Variants in MAMLD1 observed in about 807,000 individuals in gnomAD.
The protein encoded by MAMLD1 is mastermind like domain containing 1, also known as mastermind-like domain-containing protein 1.
A neutral mutation model predicts 45.0 loss-of-function variants in MAMLD1; 14 were observed. The observed-to-expected ratio is 0.31, with a 90% CI of 0.21 to 0.49. The LOEUF (loss-of-function observed/expected upper bound fraction) is 0.49, where lower values mean the gene tolerates loss of function less well. Among genes scored for constraint, MAMLD1 ranks in the 20% least tolerant of loss-of-function variants. The pLI, the probability that MAMLD1 is intolerant of heterozygous loss-of-function variation, is 0.99. For synonymous variants in MAMLD1, 254 were observed against 247.8 expected (o/e 1.02, Z -0.24); for missense variants, 543 against 603.6 (o/e 0.90, Z 1.05).
chrX:150,473,014 C>A (rs1273811372), intron 4 of MAMLD1, among the ~76,000 whole-genome samples: 3 of 112,554 alleles, frequency 2.7e-5, no homozygotes, highest in Admixed American at 9.3e-5. Context: ...AAAACAGTGA[C>A]CTGATCATGT....
chrX:150,372,915 G>C (rs2032099040), intron 1 of MAMLD1, among the ~76,000 whole-genome samples: 1 of 111,729 alleles, frequency 9.0e-6, no homozygotes, highest in Non-Finnish European at 1.9e-5. Flanking sequence ...GCACGTGGCT[G>C]GGGTGTTAGT....
At chrX:150,458,161 T>A (rs1408847996) in intron 2 of MAMLD1, among the ~76,000 whole-genome samples, 1 of 111,051 alleles carries the variant, frequency 9.0e-6, no homozygotes, top group Non-Finnish European at 1.9e-5. Flanking sequence ...TCAATAAGCA[T>A]GTGACCCCTC....
chrX:150,487,496 T>C (rs961683673), intron 5 of MAMLD1, among the ~76,000 whole-genome samples: 2 of 112,422 alleles, frequency 1.8e-5, no homozygotes, highest in African/African-American at 6.5e-5. Context: ...TCCACGTGAC[T>C]GCAGAAAGCA....
chrX:150,414,011 G>C (rs1308977346), intron 1 of MAMLD1, among the ~76,000 whole-genome samples: 4 of 37,418 alleles, frequency 1.1e-4, no homozygotes, highest in Non-Finnish European at 1.9e-4. Context: ...GGAGCATTAA[G>C]GAACCACAGA....
At chrX:150,364,907 C>G (rs1295093183) in intron 1 of MAMLD1, among the ~76,000 whole-genome samples, 8 of 112,285 alleles carry the variant, frequency 7.1e-5, no homozygotes, top group Non-Finnish European at 7.6e-5. Flanking sequence ...TGCGGTGAGC[C>G]GGCGAGCGAC....
At chrX:150,414,028 CAAAA>C (rs56866886) in intron 1 of MAMLD1, among the ~76,000 whole-genome samples, 4 of 31,333 alleles carry the variant, frequency 1.3e-4, no homozygotes, top group Admixed American at 7.4e-4. Context: ...CAGAAAACTG[CAAAA>C]AAAAAAAAAA....
chrX:150,414,559 C>T (rs1471142353), intron 1 of MAMLD1, among the ~76,000 whole-genome samples: 5 of 111,308 alleles, frequency 4.5e-5, no homozygotes, highest in East Asian at 2.8e-4. Context: ...TGAGAATTCA[C>T]TCTTACCACA....
chrX:150,416,313 C>A (rs1282786445), intron 1 of MAMLD1, among the ~76,000 whole-genome samples: 1 of 111,580 alleles, frequency 9.0e-6, no homozygotes, highest in African/African-American at 3.3e-5. Flanking sequence ...AACAATGGAA[C>A]TTTGTGTTTG....
chrX:150,446,998 A>C (rs1290999912), intron 2 of MAMLD1, among the ~76,000 whole-genome samples: 1 of 112,367 alleles, frequency 8.9e-6, no homozygotes, highest in Non-Finnish European at 1.9e-5. Context: ...CAACTCCATC[A>C]ACACTCTTAA....
At chrX:150,465,856 C>T (rs781783066) in intron 3 of MAMLD1, among the ~76,000 whole-genome samples, 12 of 112,644 alleles carry the variant, frequency 1.1e-4, no homozygotes, top group Non-Finnish European at 1.9e-4. Flanking sequence ...ATGGGTGAAG[C>T]AGGGAGATTC....
At chrX:150,462,123 A>G (rs971398842) in intron 2 of MAMLD1, among the ~76,000 whole-genome samples, 2 of 112,239 alleles carry the variant, frequency 1.8e-5, no homozygotes, top group African/African-American at 3.2e-5. Context: ...ATAGGAGCCC[A>G]TCATCTCTGG....
chrX:150,369,618 G>A (rs1273887381), intron 1 of MAMLD1, among the ~76,000 whole-genome samples: 1 of 112,233 alleles, frequency 8.9e-6, no homozygotes, highest in Non-Finnish European at 1.9e-5. Flanking sequence ...CCTATTGATG[G>A]CAGGCCTCCT....
At chrX:150,398,385 G>GGAAGAA (rs1269926869) in intron 1 of MAMLD1, among the ~76,000 whole-genome samples, 1 of 99,874 alleles carries the variant, frequency 1.0e-5, no homozygotes, top group Non-Finnish European at 2.0e-5. Context: ...AAGAAGAAGA[G>GGAAGAA]GAAGAAGAAG....
chrX:150,486,574 C>T (rs143708177), intron 5 of MAMLD1, among the ~76,000 whole-genome samples: 1 of 111,495 alleles, frequency 9.0e-6, no homozygotes, highest in Non-Finnish European at 1.9e-5. Flanking sequence ...AATCTCTTGG[C>T]CATCCTCATT....
chrX:150,433,790 T>C (rs1243036161), intron 1 of MAMLD1, among the ~76,000 whole-genome samples: 4 of 112,112 alleles, frequency 3.6e-5, no homozygotes, highest in Non-Finnish European at 3.8e-5. Context: ...CTTTTTGATG[T>C]GCTGCCGGAT....
intron 5 of MAMLD1, 66 bp from the exon 6 acceptor site, chrX:150,503,208 T>C: frequency 1.2e-5 from 12 of 1,003,182 alleles, no homozygotes; most frequent in Non-Finnish European, 1.6e-5. Context: ...CTCAGGGCAG[T>C]GACAAGATCA....
At chrX:150,385,013 T>C (rs1328473719) in intron 1 of MAMLD1, among the ~76,000 whole-genome samples, 2 of 111,061 alleles carry the variant, frequency 1.8e-5, no homozygotes, top group African/African-American at 3.3e-5. Context: ...CACCATGCTG[T>C]ACATTAGATT....
chrX:150,481,407 T>C (rs2036750220), intron 5 of MAMLD1, among the ~76,000 whole-genome samples: 1 of 112,602 alleles, frequency 8.9e-6, no homozygotes, highest in Non-Finnish European at 1.9e-5. Flanking sequence ...ATTGGAACCC[T>C]TGTGCATTGT....
chrX:150,424,503 G>A (rs1312319279), intron 1 of MAMLD1, among the ~76,000 whole-genome samples: 2 of 112,037 alleles, frequency 1.8e-5, no homozygotes, highest in African/African-American at 6.5e-5. Context: ...GTGGGTTGCT[G>A]GAAGAAAGTT....
Sources: gnomAD v4.1 joint callset for allele counts (sites outside exome capture counted in the v4.1 genomes callset) on GRCh38, gnomAD v4.1.1 for gene constraint, MANE v1.5 for transcripts, NCBI Gene and HGNC (gene_info 2026-07-23, HGNC 2026-07-21) for gene names.